The following TCF7L1 variants were observed in gnomAD, a reference collection of about 807,000 sequenced individuals.
TCF7L1 encodes the protein transcription factor 7 like 1.
A neutral mutation model predicts 63.7 loss-of-function variants in TCF7L1; 18 were observed. The ratio of observed to expected loss-of-function variants is 0.28; its 90% CI spans 0.20 to 0.42. The LOEUF is 0.42. Ranked by LOEUF, TCF7L1 falls within the 10% of genes least tolerant of loss-of-function variation. The pLI is 1.00. For synonymous variants in TCF7L1, 355 were observed against 340.9 expected, an observed-to-expected ratio of 1.04 and a Z score of -0.46; for missense variants, 654 against 779.3, an observed-to-expected ratio of 0.84 and a Z score of 1.91.
At chr2:85,246,508 G>T (rs1446950326) in intron 3 of TCF7L1, among the ~76,000 whole-genome samples, 1 of 152,198 alleles carries the variant, frequency 6.6e-6, no homozygotes, top group Non-Finnish European at 1.5e-5. Context: ...TAAGAATTAA[G>T]TGCAGCTGGT....
intron 3 of TCF7L1, among the ~76,000 whole-genome samples, chr2:85,136,845 A>T (rs1422548552): frequency 6.6e-6 from 1 of 152,128 alleles, no homozygotes; most frequent in Admixed American, 6.6e-5. Context: ...GGTGGAGATG[A>T]TGGTTTTCTG....
intron 4 of TCF7L1, among the ~76,000 whole-genome samples, chr2:85,286,918 A>G (rs1335607015): frequency 2.0e-5 from 3 of 152,212 alleles, no homozygotes; most frequent in Admixed American, 1.3e-4. Flanking sequence ...AGCCTGGGTG[A>G]CAGAGTGAGA....
chr2:85,271,369 C>T (rs1350263923), intron 3 of TCF7L1, among the ~76,000 whole-genome samples: 2 of 152,210 alleles, frequency 1.3e-5, no homozygotes, highest in South Asian at 2.1e-4. Context: ...CCTCGGCCTC[C>T]GAAAGTGCTG....
chr2:85,257,378 C>A (rs1680742443), intron 3 of TCF7L1, among the ~76,000 whole-genome samples: 1 of 152,222 alleles, frequency 6.6e-6, no homozygotes, highest in African/African-American at 2.4e-5. Flanking sequence ...AGAACAGGTT[C>A]CCCGGCTTAG....
intron 3 of TCF7L1, among the ~76,000 whole-genome samples, chr2:85,220,486 C>T (rs1016254963): frequency 1.3e-5 from 2 of 152,150 alleles, no homozygotes; most frequent in African/African-American, 4.8e-5. Flanking sequence ...CTGCCTCAGC[C>T]TTCCGAGCAG....
chr2:85,173,113 G>T (rs2104239015), intron 3 of TCF7L1, among the ~76,000 whole-genome samples: 1 of 152,348 alleles, frequency 6.6e-6, no homozygotes, highest in Admixed American at 6.5e-5. Flanking sequence ...TATTTCCTGA[G>T]AAAAGTTAAA....
intron 5 of TCF7L1, 132 bp from the exon 6 acceptor site, chr2:85,303,762 CA>C (rs1403033036): frequency 4.6e-6 from 3 of 646,798 alleles, no homozygotes; most frequent in Non-Finnish European, 8.1e-6. Flanking sequence ...TGACAGAGGG[CA>C]AGGACAATGA....
At chr2:85,277,325 G>C (rs1246061049) in intron 3 of TCF7L1, among the ~76,000 whole-genome samples, 3 of 152,144 alleles carry the variant, frequency 2.0e-5, no homozygotes, top group African/African-American at 7.2e-5. Context: ...TTATAGTATA[G>C]GTTCCTGTTA....
At chr2:85,143,790 T>C (rs72932603) in intron 3 of TCF7L1, among the ~76,000 whole-genome samples, 6,566 of 152,306 alleles carry the variant, frequency 0.043, 456 homozygotes, top group African/African-American at 0.15. Context: ...CAGCTGGGGT[T>C]GAGGGTGGAT....
intron 3 of TCF7L1, among the ~76,000 whole-genome samples, chr2:85,228,995 T>C (rs1255623421): frequency 8.4e-6 from 1 of 118,384 alleles, no homozygotes; most frequent in Non-Finnish European, 1.6e-5. Context: ...CACTCCAGCC[T>C]GGGCGACAGA....
chr2:85,222,287 G>C (rs547284778), intron 3 of TCF7L1, among the ~76,000 whole-genome samples: 57 of 151,348 alleles, frequency 3.8e-4, no homozygotes, highest in African/African-American at 1.3e-3. Flanking sequence ...GTTGCAGTGA[G>C]CCGAGATTGG....
chr2:85,260,338 A>G (rs1424810514), intron 3 of TCF7L1, among the ~76,000 whole-genome samples: 1 of 152,170 alleles, frequency 6.6e-6, no homozygotes, highest in African/African-American at 2.4e-5. Context: ...TTCATCATTT[A>G]AAGAGACCTT....
chr2:85,152,102 T>G (rs547456965), intron 3 of TCF7L1, among the ~76,000 whole-genome samples: 33 of 152,350 alleles, frequency 2.2e-4, no homozygotes, highest in Non-Finnish European at 5.9e-5. Context: ...CAGGCTGGCT[T>G]CTGAGTCCTT....
Position 85,162,918 on chromosome 2 carries a change from C to T in TCF7L1, c.441+28468C>T, listed in dbSNP as rs55801685. Among the ~76,000 whole-genome samples the T allele has an allele frequency of 1.2e-4, 18 of 152,138 alleles. No individual in the cohort carries two copies. In the South Asian group the frequency reaches 2.9e-3, roughly 25 times the overall value. The stretch of plus-strand genomic sequence containing the variant: ...TTCCCACCATTCCCCGCTGTTCATC[C>T]GAATTACTCATCCACACATAGCCAG... On this transcript the variant is annotated intron_variant, in intron 3 of 11. Transcript: ENST00000282111.
chr2:85,185,367 C>T (rs1330262129), intron 3 of TCF7L1, among the ~76,000 whole-genome samples: 1 of 152,064 alleles, frequency 6.6e-6, no homozygotes, highest in Non-Finnish European at 1.5e-5. Flanking sequence ...AAGCGATCCC[C>T]CTGCCTCAGC....
intron 3 of TCF7L1, among the ~76,000 whole-genome samples, chr2:85,178,758 C>T (rs992556534): frequency 1.3e-5 from 2 of 152,164 alleles, no homozygotes; most frequent in African/African-American, 4.8e-5. Flanking sequence ...GGTTGCCACC[C>T]ATCCTGTCTG....
intron 3 of TCF7L1, among the ~76,000 whole-genome samples, chr2:85,207,261 G>A (rs6729901): frequency 2.8e-4 from 43 of 152,220 alleles, no homozygotes; most frequent in Non-Finnish European, 4.7e-4. Context: ...TGCACACAAA[G>A]CAGTGGTTGC....
At chr2:85,273,543 C>A (rs1019003287) in intron 3 of TCF7L1, among the ~76,000 whole-genome samples, 1 of 152,194 alleles carries the variant, frequency 6.6e-6, no homozygotes, top group East Asian at 1.9e-4. Context: ...GGGAAATAAG[C>A]CCTCTCCCAG....
intron 3 of TCF7L1, among the ~76,000 whole-genome samples, chr2:85,261,724 G>C (rs921765007): frequency 8.2e-6 from 1 of 121,404 alleles, no homozygotes. Flanking sequence ...GATCCCATCT[G>C]TTAAAAAAAA....
Sources: gnomAD v4.1 joint callset for allele counts (sites outside exome capture counted in the v4.1 genomes callset) on GRCh38, gnomAD v4.1.1 for gene constraint, MANE v1.5 for transcripts, NCBI Gene and HGNC (gene_info 2026-07-23, HGNC 2026-07-21) for gene names.